Variants in AFF1 observed in about 807,000 individuals in gnomAD.
The protein encoded by AFF1 is AF4/FMR2 family member 1.
A neutral mutation model predicts 121.7 loss-of-function variants in AFF1; 48 were observed. The ratio of observed to expected loss-of-function variants is 0.39; its 90% CI spans 0.31 to 0.50. AFF1 has a LOEUF of 0.50. Ranked by LOEUF, AFF1 falls within the 20% of genes least tolerant of loss-of-function variation. The pLI, the probability that AFF1 is intolerant of heterozygous loss-of-function variation, is 0.76. For synonymous variants in AFF1, 613 were observed against 563.0 expected (o/e 1.09, Z -1.26); for missense variants, 1,523 against 1,511.7 (o/e 1.01, Z -0.12).
At chr4:86,948,459 A>G (rs1005987110) in intron 1 of AFF1, 39 bp from the exon 2 acceptor site, 2 of 1,377,960 alleles carry the variant, frequency 1.5e-6, no homozygotes, top group Non-Finnish European at 2.0e-6. Flanking sequence ...ATTTACTCAC[A>G]GGCTAATGTT....
At chr4:87,030,782 G>T (rs1393862013) in intron 2 of AFF1, among the ~76,000 whole-genome samples, 1 of 152,040 alleles carries the variant, frequency 6.6e-6, no homozygotes, top group East Asian at 1.9e-4. Context: ...TCACAGCAAA[G>T]CTCTGTGTAA....
chr4:87,022,584 CTATCTATA>C (rs376543279), intron 2 of AFF1, among the ~76,000 whole-genome samples: 11,176 of 112,362 alleles, frequency 0.099, 1,246 homozygotes, highest in African/African-American at 0.2. Context: ...ATATATATAT[CTATCTATA>C]TCTATCTGTG....
intron 8 of AFF1, among the ~76,000 whole-genome samples, chr4:87,096,097 C>T (rs948064698): frequency 2.6e-5 from 4 of 152,086 alleles, no homozygotes; most frequent in African/African-American, 9.7e-5. Context: ...TCCCAAGTGC[C>T]AATTCCTTAA....
intron 8 of AFF1, among the ~76,000 whole-genome samples, chr4:87,101,046 A>T (rs1725382121): frequency 6.6e-6 from 1 of 152,162 alleles, no homozygotes. Context: ...GTTACCCCAT[A>T]ATTCCTGTGG....
intron 2 of AFF1, among the ~76,000 whole-genome samples, chr4:86,970,001 A>G (rs1722830740): frequency 6.6e-6 from 1 of 152,006 alleles, no homozygotes; most frequent in South Asian, 2.1e-4. Flanking sequence ...CTAGAGCTAT[A>G]TCTACCTAGA....
chr4:87,105,668 A>G lies in AFF1; in HGVS notation c.1324A>G (p.Ser442Gly). ...DDLQLSDSEDSDSEQTPEKPP... is the reference protein window; with the variant it reads ...DDLQLSDSEDGDSEQTPEKPP... ...CCTTCAGCTCAGTGACAGTGAGGAC[A>G]GTGACAGTGAACAAGTAAGTGTTGC... is the stretch of plus-strand genomic sequence containing the variant. Residue 442 changes from serine to glycine, a missense_variant, in exon 9 of 21, where the codon AGT (serine) becomes GGT (glycine). Physicochemically the swap from Ser to Gly is moderately conservative, Grantham distance 56 (BLOSUM62 0). Coordinates refer to ENST00000395146, the MANE Select transcript of AFF1 (RefSeq NM_001166693.3). 1 of 1,614,234 alleles carries G rather than the reference A, an allele frequency of 6.2e-7. No homozygotes were observed. Among genetic ancestry groups the G allele is most frequent in the Non-Finnish European group, 8.5e-7 (1 of 1,180,038 alleles).
chr4:86,994,299 C>T (rs1724945770), intron 2 of AFF1, among the ~76,000 whole-genome samples: 3 of 152,238 alleles, frequency 2.0e-5, no homozygotes, highest in Non-Finnish European at 2.9e-5. Flanking sequence ...GCATAAGCTC[C>T]AGGAAGGCCC....
chr4:87,122,806 A>G (rs1727825447), intron 12 of AFF1, among the ~76,000 whole-genome samples: 1 of 151,090 alleles, frequency 6.6e-6, no homozygotes, highest in African/African-American at 2.4e-5. Context: ...GAAATAGAAT[A>G]TAAGCCACAT....
At chr4:87,074,977 C>G (rs1205552652) in intron 4 of AFF1, among the ~76,000 whole-genome samples, 1 of 152,246 alleles carries the variant, frequency 6.6e-6, no homozygotes, top group East Asian at 1.9e-4. Context: ...TTGTAGAGAT[C>G]AAAACAAAAT....
chr4:87,071,217 G>GA (rs528427800), intron 4 of AFF1, among the ~76,000 whole-genome samples: 280 of 148,922 alleles, frequency 1.9e-3, no homozygotes, highest in Non-Finnish European at 3.1e-3. Flanking sequence ...GTTAGTGTAG[G>GA]AAAAAAAACT....
chr4:86,963,458 T>G (rs1264533466), intron 2 of AFF1, among the ~76,000 whole-genome samples: 1 of 152,134 alleles, frequency 6.6e-6, no homozygotes, highest in East Asian at 1.9e-4. Flanking sequence ...GGAGGTAGAT[T>G]AGTCCACAGG....
chr4:87,008,023 G>T (rs1036698607), intron 2 of AFF1, among the ~76,000 whole-genome samples: 1 of 152,080 alleles, frequency 6.6e-6, no homozygotes, highest in Non-Finnish European at 1.5e-5. Context: ...GAGCGCTATT[G>T]TAAGAACCTG....
At chr4:87,058,861 C>G (rs896645390) in intron 4 of AFF1, among the ~76,000 whole-genome samples, 1 of 152,170 alleles carries the variant, frequency 6.6e-6, no homozygotes, top group Non-Finnish European at 1.5e-5. Flanking sequence ...ACGCCACTGC[C>G]TCTGCCGGCA....
At chr4:87,090,445 G>C (rs555742708) in intron 6 of AFF1, among the ~76,000 whole-genome samples, 2 of 152,146 alleles carry the variant, frequency 1.3e-5, no homozygotes, top group Admixed American at 6.5e-5. Context: ...ACATTTTCTT[G>C]AGTTTAATGT....
chr4:86,969,394 G>A (rs1159822267), intron 2 of AFF1, among the ~76,000 whole-genome samples: 1 of 151,756 alleles, frequency 6.6e-6, no homozygotes, highest in Non-Finnish European at 1.5e-5. Flanking sequence ...CAGGAGAATT[G>A]CTTGAACCCA....
intron 2 of AFF1, among the ~76,000 whole-genome samples, chr4:86,987,522 C>T (rs1333060257): frequency 6.6e-6 from 1 of 152,158 alleles, no homozygotes; most frequent in East Asian, 1.9e-4. Context: ...AGAGCCAACC[C>T]TCTGTGTGGA....
At chr4:86,989,853 AG>A (rs1298165271) in intron 2 of AFF1, among the ~76,000 whole-genome samples, 1 of 152,226 alleles carries the variant, frequency 6.6e-6, no homozygotes, top group Non-Finnish European at 1.5e-5. Flanking sequence ...GACATAAAAA[AG>A]GATCAGTTCA....
At chr4:87,008,183 G>A (rs139644071) in intron 2 of AFF1, among the ~76,000 whole-genome samples, 1 of 152,308 alleles carries the variant, frequency 6.6e-6, no homozygotes, top group African/African-American at 2.4e-5. Context: ...GGAGACTTAG[G>A]AGTTATATAT....
intron 2 of AFF1, among the ~76,000 whole-genome samples, chr4:87,023,579 TAAAA>T (rs1553918725): frequency 6.6e-6 from 1 of 152,154 alleles, no homozygotes; most frequent in Non-Finnish European, 1.5e-5. Context: ...TGTTGGAAAT[TAAAA>T]AAAGTGTAGA....
Sources: allele counts gnomAD v4.1 joint callset (sites outside exome capture counted in the v4.1 genomes callset), GRCh38; gene constraint gnomAD v4.1.1; transcripts MANE v1.5; gene names NCBI Gene and HGNC (gene_info 2026-07-23, HGNC 2026-07-21).